SSH2: variants seen among roughly 807,000 people sequenced by gnomAD.
The protein encoded by SSH2 is slingshot protein phosphatase 2.
SSH2 carries 37 observed loss-of-function variants against 135.2 expected under a neutral mutation model. That is an observed-to-expected ratio of 0.27 (90% CI 0.21 to 0.36). The LOEUF (loss-of-function observed/expected upper bound fraction) is 0.36. SSH2 is among the 10% of genes least tolerant of loss of function. The pLI, the probability that SSH2 is intolerant of heterozygous loss-of-function variation, is 1.00. For synonymous variants in SSH2, 628 were observed against 646.2 expected (o/e 0.97, Z 0.43); for missense variants, 1,408 against 1,765.3 (o/e 0.80, Z 3.63).
chr17:29,924,249 G>A (rs1052011006), intron 1 of SSH2, among the ~76,000 whole-genome samples: 1 of 152,010 alleles, frequency 6.6e-6, no homozygotes, highest in Non-Finnish European at 1.5e-5. Flanking sequence ...AATCAATTTT[G>A]TATTTGCCTT....
intron 1 of SSH2, among the ~76,000 whole-genome samples, chr17:29,911,918 A>T (rs2066772796): frequency 6.6e-6 from 1 of 152,234 alleles, no homozygotes; most frequent in Non-Finnish European, 1.5e-5. Context: ...ATTAGTTGTT[A>T]TACAAAGTGT....
At chr17:29,913,344 A>ATT (rs2066805166) in intron 1 of SSH2, among the ~76,000 whole-genome samples, 7 of 49,730 alleles carry the variant, frequency 1.4e-4, no homozygotes, top group African/African-American at 1.9e-4. Context: ...AAAAAAAAAA[A>ATT]AAAATATATA....
intron 14 of SSH2, chr17:29,645,632 ATATT>A (rs557183234): frequency 7.8e-4 from 119 of 152,284 alleles, no homozygotes; most frequent in African/African-American, 2.8e-3. Flanking sequence ...CTGGGAATAT[ATATT>A]TATTTCTTGC....
rs1007728178 is a variant in SSH2 at position 29,626,196 on chromosome 17, T to C, written c.*4645A>G. The C allele has an allele frequency of 9.3e-5, 14 of 150,664 alleles. No homozygotes were observed. The highest frequency in any genetic ancestry group is 2.0e-4 in the Admixed American group (3 of 14,968). 9.3% of individuals were successfully genotyped at this position (150,664 alleles called of 1,614,324 possible). On this transcript the variant is annotated 3_prime_UTR_variant, in exon 16 of 16. Coordinates refer to ENST00000540801, the MANE Select transcript of SSH2 (RefSeq NM_001282129.2). ...AAAACATGAGCATAAAAGTTTGGGGTGGCTTGGGGCAAAGGTAACAGTCAG... is the reference window on the plus strand; with the variant it reads ...AAAACATGAGCATAAAAGTTTGGGGCGGCTTGGGGCAAAGGTAACAGTCAG...
At chr17:29,753,013 T>C (rs2040999315) in intron 3 of SSH2, among the ~76,000 whole-genome samples, 1 of 152,198 alleles carries the variant, frequency 6.6e-6, no homozygotes, top group Admixed American at 6.5e-5. Context: ...TGTGCCTCTC[T>C]TCTGTAATTG....
intron 4 of SSH2, among the ~76,000 whole-genome samples, chr17:29,700,837 T>C (rs2038944681): frequency 6.6e-6 from 1 of 152,228 alleles, no homozygotes. Flanking sequence ...TCGCCCAGGC[T>C]GGAGGGTAGC....
At chr17:29,709,437 G>A (rs1221938221) in intron 3 of SSH2, among the ~76,000 whole-genome samples, 4 of 152,190 alleles carry the variant, frequency 2.6e-5, no homozygotes, top group Non-Finnish European at 5.9e-5. Flanking sequence ...AGCACTTTGG[G>A]AGGCCAAGGA....
intron 3 of SSH2, among the ~76,000 whole-genome samples, chr17:29,779,810 CAAAAAAAAAAAAAAAAAAAA>C (rs56789691): frequency 5.1e-5 from 1 of 19,608 alleles, no homozygotes. Flanking sequence ...GACTCTGTCT[CAAAAAAAAAAAAAAAAAAAA>C]AAAAAAAAAA....
chr17:29,664,922 G>T (rs971677107), intron 11 of SSH2, among the ~76,000 whole-genome samples: 1 of 152,112 alleles, frequency 6.6e-6, no homozygotes, highest in African/African-American at 2.4e-5. Flanking sequence ...AATAAAACAG[G>T]TTGATCAGTC....
intron 2 of SSH2, among the ~76,000 whole-genome samples, chr17:29,796,216 AC>A (rs2042153291): frequency 3.3e-5 from 5 of 152,166 alleles, no homozygotes; most frequent in Non-Finnish European, 7.3e-5. Context: ...CTATTATGTG[AC>A]TACTATCCCA....
At chr17:29,929,474 C>A (rs1475780765) in intron 1 of SSH2, 1 of 200,798 alleles carries the variant, frequency 5.0e-6, no homozygotes, top group Non-Finnish European at 1.0e-5. Flanking sequence ...GGGGAAGGCA[C>A]ACACCCTGGC....
chr17:29,732,308 T>C (rs2040224559), intron 3 of SSH2, among the ~76,000 whole-genome samples: 1 of 152,222 alleles, frequency 6.6e-6, no homozygotes, highest in Non-Finnish European at 1.5e-5. Flanking sequence ...ATTATTATTC[T>C]AAAGAACATA....
intron 1 of SSH2, among the ~76,000 whole-genome samples, chr17:29,914,246 C>G (rs2066839835): frequency 6.6e-6 from 1 of 152,016 alleles, no homozygotes; most frequent in Non-Finnish European, 1.5e-5. Context: ...CAAGAAATGA[C>G]ACACCTATCT....
At chr17:29,872,452 A>G (rs917458380) in intron 1 of SSH2, among the ~76,000 whole-genome samples, 1 of 152,210 alleles carries the variant, frequency 6.6e-6, no homozygotes, top group East Asian at 1.9e-4. Context: ...TACAGGAACA[A>G]TAACTAAAGA....
intron 2 of SSH2, among the ~76,000 whole-genome samples, chr17:29,822,362 C>G (rs1326911878): frequency 1.3e-5 from 2 of 149,502 alleles, no homozygotes; most frequent in Non-Finnish European, 3.0e-5. Flanking sequence ...AGCCAGGGAC[C>G]CTTTTTTTTT....
At chr17:29,799,448 A>C (rs754085835) in intron 2 of SSH2, among the ~76,000 whole-genome samples, 2 of 152,182 alleles carry the variant, frequency 1.3e-5, no homozygotes, top group Non-Finnish European at 2.9e-5. Context: ...CAGGATCATC[A>C]GATGTTTTCT....
chr17:29,751,693 G>C (rs1395368874), intron 3 of SSH2, among the ~76,000 whole-genome samples: 1 of 152,116 alleles, frequency 6.6e-6, no homozygotes, highest in Non-Finnish European at 1.5e-5. Flanking sequence ...GACCACTTCT[G>C]TATCTGTGGT....
At chr17:29,840,660 A>G (rs548591029) in intron 2 of SSH2, among the ~76,000 whole-genome samples, 78 of 152,074 alleles carry the variant, frequency 5.1e-4, no homozygotes, top group Non-Finnish European at 9.9e-4. Flanking sequence ...TGAAGTATGA[A>G]CTTCATTATG....
intron 14 of SSH2, among the ~76,000 whole-genome samples, chr17:29,637,818 T>C (rs371809943): frequency 1.3e-5 from 2 of 149,448 alleles, no homozygotes; most frequent in Non-Finnish European, 3.0e-5. Flanking sequence ...GAAAGATATA[T>C]ACAGATATTT....
Sources: gnomAD v4.1 joint callset for allele counts (sites outside exome capture counted in the v4.1 genomes callset) on GRCh38, gnomAD v4.1.1 for gene constraint, MANE v1.5 for transcripts, NCBI Gene and HGNC (gene_info 2026-07-23, HGNC 2026-07-21) for gene names.